Variants in CASTOR2 observed in about 807,000 individuals in gnomAD.
CASTOR2 encodes the protein GATS protein like 2.
In CASTOR2, 8 loss-of-function variants were observed where a neutral mutation model predicts 31.2. That is an observed-to-expected ratio of 0.26 (90% CI 0.15 to 0.46). The LOEUF is 0.46. Among genes scored for constraint, CASTOR2 ranks in the 20% least tolerant of loss-of-function variants. The probability of loss-of-function intolerance (pLI) is 0.99; values close to 1 mark genes in which losing one functional copy is unlikely to be tolerated. For missense variants in CASTOR2, 216 were observed against 382.1 expected (o/e 0.57, Z 3.62); for synonymous variants, 162 against 158.7 (o/e 1.02, Z -0.16).
chr7:75,017,220 G>A (rs1445337354), intron 2 of CASTOR2, among the ~76,000 whole-genome samples: 42 of 152,184 alleles, frequency 2.8e-4, no homozygotes, highest in East Asian at 2.1e-3. Context: ...AGGCTGATGC[G>A]GGCGGATCAC....
rs1805259154 is a variant in CASTOR2, at chr7:75,030,114, G to A, written c.*5415G>A. 6.6e-6 allele frequency among the ~76,000 whole-genome samples: 1 copy of A among 152,246 alleles called. No individual in the cohort carries two copies. Among genetic ancestry groups the A allele is most frequent in the African/African-American group, 2.4e-5 (1 of 41,464 alleles). ...GACAGCCTGGTGGCCGAGAGAGCTTGTGGCTGTCACTATAAGGGAAGAGGA... is the reference window on the plus strand; with the variant it reads ...GACAGCCTGGTGGCCGAGAGAGCTTATGGCTGTCACTATAAGGGAAGAGGA... On this transcript the variant is annotated 3_prime_UTR_variant, in exon 9 of 9. Transcript: ENST00000616305.
intron 1 of CASTOR2, among the ~76,000 whole-genome samples, chr7:74,979,035 C>T (rs1404456653): frequency 1.3e-5 from 2 of 151,622 alleles, no homozygotes; most frequent in African/African-American, 2.4e-5. Context: ...GGCATAGTGG[C>T]GTGCACCTGT....
intron 1 of CASTOR2, among the ~76,000 whole-genome samples, chr7:74,987,354 A>G (rs1804092985): frequency 2.0e-5 from 3 of 151,814 alleles, no homozygotes; most frequent in Admixed American, 6.6e-5. Context: ...GCAGTGAGCC[A>G]AGATCACGCC....
At chr7:75,010,343 A>G (rs1804709836) in intron 2 of CASTOR2, among the ~76,000 whole-genome samples, 1 of 151,972 alleles carries the variant, frequency 6.6e-6, no homozygotes, top group East Asian at 1.9e-4. Context: ...TAGGCAGGGT[A>G]AGTTTGGATC....
intron 2 of CASTOR2, among the ~76,000 whole-genome samples, chr7:75,008,683 G>A (rs1260481527): frequency 2.4e-4 from 36 of 152,182 alleles, no homozygotes; most frequent in African/African-American, 8.2e-4. Context: ...AAGACAGAGC[G>A]AAACTCTATC....
intron 1 of CASTOR2, among the ~76,000 whole-genome samples, chr7:75,007,289 A>G (rs1476663286): frequency 6.6e-6 from 1 of 151,996 alleles, no homozygotes; most frequent in Non-Finnish European, 1.5e-5. Context: ...GGGCACCAAA[A>G]CCATGCCCAG....
chr7:74,982,417 G>T (rs2131922531), intron 1 of CASTOR2, among the ~76,000 whole-genome samples: 1 of 151,978 alleles, frequency 6.6e-6, no homozygotes, highest in Middle Eastern at 3.4e-3. Flanking sequence ...ATCTGTAAGG[G>T]CAGATCTCGC....
intron 7 of CASTOR2, among the ~76,000 whole-genome samples, chr7:75,022,544 T>C (rs1464187712): frequency 1.3e-5 from 1 of 79,194 alleles, no homozygotes; most frequent in African/African-American, 4.1e-5. Flanking sequence ...AGCTCGTGCC[T>C]GTAATCCCAG....
Position 75,025,629 on chromosome 7 carries a change from A to ACCTG in CASTOR2, c.*937_*940dup, listed in dbSNP as rs1236643047. On this transcript the variant is annotated 3_prime_UTR_variant, in exon 9 of 9. Coordinates refer to ENST00000616305, the MANE Select transcript of CASTOR2 (RefSeq NM_001145064.3). ...CTCCTCCCTCCTCTGCCCCCAAGTC[A>ACCTG]CCTGCCTGCCCACCCGCCCCTTGGC... Among the ~76,000 whole-genome samples the ACCTG allele has an allele frequency of 6.6e-6, 1 of 152,232 alleles. No homozygotes were observed. The highest frequency in any genetic ancestry group is 2.4e-5 in the African/African-American group (1 of 41,470).
At chr7:74,987,996 C>A (rs1584463115) in intron 1 of CASTOR2, among the ~76,000 whole-genome samples, 1 of 149,568 alleles carries the variant, frequency 6.7e-6, no homozygotes, top group South Asian at 2.1e-4. Context: ...GTGTGAGTCA[C>A]TGCGCCTGGC....
chr7:75,012,698 G>C (rs1295695587), intron 2 of CASTOR2, among the ~76,000 whole-genome samples: 1 of 150,488 alleles, frequency 6.6e-6, no homozygotes, highest in Middle Eastern at 3.4e-3. Context: ...GAGTGTAGTG[G>C]CATGATCTCA....
At chr7:74,991,029 G>A (rs1270301879) in intron 1 of CASTOR2, among the ~76,000 whole-genome samples, 1 of 151,216 alleles carries the variant, frequency 6.6e-6, no homozygotes, top group Non-Finnish European at 1.5e-5. Context: ...ACTGTGATTG[G>A]TGCCATTGCA....
chr7:75,023,612 G>A (rs939438049), intron 7 of CASTOR2, among the ~76,000 whole-genome samples: 1 of 151,838 alleles, frequency 6.6e-6, no homozygotes, highest in South Asian at 2.1e-4. Flanking sequence ...GCTAATTCTT[G>A]TAGTTTTAGT....
intron 1 of CASTOR2, among the ~76,000 whole-genome samples, chr7:74,971,985 C>A (rs1584456116): frequency 1.3e-5 from 2 of 150,710 alleles, no homozygotes; most frequent in East Asian, 3.9e-4. Context: ...GGAGACATCT[C>A]TTTATTTATT....
Position 75,026,560 on chromosome 7 carries a change from C to T in CASTOR2, c.*1861C>T, listed in dbSNP as rs1403138863. ...TCCTGACAAAGTGTTCCCTGCTTCTCTGAGTGGGACCCTCTGAGCCCTGGA... is the reference window on the plus strand; with the variant it reads ...TCCTGACAAAGTGTTCCCTGCTTCTTTGAGTGGGACCCTCTGAGCCCTGGA... On this transcript the variant is annotated 3_prime_UTR_variant, in exon 9 of 9. Coordinates refer to ENST00000616305, the MANE Select transcript of CASTOR2 (RefSeq NM_001145064.3). Among the ~76,000 whole-genome samples the T allele has an allele frequency of 6.6e-6, 1 of 152,168 alleles. No homozygotes were observed. Among genetic ancestry groups the T allele is most frequent in the African/African-American group, 2.4e-5 (1 of 41,438 alleles).
At chr7:74,975,514 G>A (rs1554435583) in intron 1 of CASTOR2, among the ~76,000 whole-genome samples, 2 of 139,976 alleles carry the variant, frequency 1.4e-5, no homozygotes, top group Non-Finnish European at 1.6e-5. Context: ...TCAGGAGATC[G>A]AGACCATCCT....
intron 2 of CASTOR2, among the ~76,000 whole-genome samples, chr7:75,011,355 C>T (rs1260326635): frequency 3.3e-5 from 5 of 149,612 alleles, no homozygotes; most frequent in African/African-American, 9.8e-5. Flanking sequence ...CCTGAACCCA[C>T]GAGGCAGAGG....
At chr7:75,023,458 T>G (rs1805054266) in intron 7 of CASTOR2, among the ~76,000 whole-genome samples, 1 of 135,760 alleles carries the variant, frequency 7.4e-6, no homozygotes, top group Non-Finnish European at 1.5e-5. Context: ...ATAGCATTTT[T>G]TTTTTCTTTT....
chr7:75,024,594 G>A, intron 8 of CASTOR2, 40 bp from the exon 9 acceptor site: 4 of 1,551,162 alleles, frequency 2.6e-6, no homozygotes, highest in Admixed American at 3.9e-5. Flanking sequence ...CAGGTTCCTG[G>A]GCTCACGGGC....
Sources: allele counts gnomAD v4.1 joint callset (sites outside exome capture counted in the v4.1 genomes callset), GRCh38; gene constraint gnomAD v4.1.1; transcripts MANE v1.5; gene names NCBI Gene and HGNC (gene_info 2026-07-23, HGNC 2026-07-21).